Variants in OLA1 observed in about 807,000 individuals in gnomAD.
The protein encoded by OLA1 is obg-like ATPase 1.
In OLA1, 14 loss-of-function variants were observed where a neutral mutation model predicts 48.4. That is an observed-to-expected ratio of 0.29 (90% CI 0.19 to 0.45). OLA1 has a LOEUF of 0.45. Ranked by LOEUF, OLA1 falls within the 20% of genes least tolerant of loss-of-function variation. The probability of loss-of-function intolerance (pLI) is 1.00; values close to 1 mark genes in which losing one functional copy is unlikely to be tolerated. For missense variants in OLA1, 325 were observed against 467.1 expected, an observed-to-expected ratio of 0.70 and a Z score of 2.80; for synonymous variants, 127 against 150.4, an observed-to-expected ratio of 0.84 and a Z score of 1.14.
At chr2:174,085,901 A>G (rs1048932137) in intron 7 of OLA1, among the ~76,000 whole-genome samples, 2 of 152,140 alleles carry the variant, frequency 1.3e-5, no homozygotes, top group African/African-American at 4.8e-5. Flanking sequence ...ATAGTTTCTT[A>G]ACTCCCCTCT....
chr2:174,161,825 GAAGT>G (rs534327930), intron 4 of OLA1, among the ~76,000 whole-genome samples: 64 of 152,120 alleles, frequency 4.2e-4, no homozygotes, highest in African/African-American at 1.4e-3. Flanking sequence ...AGCTTACACT[GAAGT>G]AAGAAAAAAT....
At chr2:174,188,176 A>G (rs6758405) in intron 4 of OLA1, among the ~76,000 whole-genome samples, 80,890 of 151,836 alleles carry the variant, frequency 0.53, 22,118 homozygotes, top group East Asian at 0.95. Context: ...GACTAGAACA[A>G]CATGCGTTCA....
intron 7 of OLA1, among the ~76,000 whole-genome samples, chr2:174,095,685 G>A (rs1685238957): frequency 1.3e-5 from 2 of 152,006 alleles, no homozygotes; most frequent in Non-Finnish European, 2.9e-5. Flanking sequence ...AAATGTAAGA[G>A]TTAAAAAGTA....
chr2:174,188,445 A>G (rs532721008), intron 4 of OLA1, among the ~76,000 whole-genome samples: 6 of 152,244 alleles, frequency 3.9e-5, no homozygotes, highest in African/African-American at 1.4e-4. Context: ...TCATAGATGG[A>G]GACTGAAAGC....
At chr2:174,247,911 C>T in intron 1 of OLA1, 1 of 1,051,680 alleles carries the variant, frequency 9.5e-7, no homozygotes, top group African/African-American at 1.6e-5. Context: ...ACAAAGACCG[C>T]TAAGCTCACG....
intron 4 of OLA1, among the ~76,000 whole-genome samples, chr2:174,186,212 A>G (rs1156574217): frequency 6.6e-6 from 1 of 152,222 alleles, no homozygotes; most frequent in Non-Finnish European, 1.5e-5. Context: ...AATAATTCCA[A>G]CAAGATTTCT....
intron 7 of OLA1, among the ~76,000 whole-genome samples, chr2:174,118,820 T>C (rs2105364742): frequency 6.6e-6 from 1 of 152,284 alleles, no homozygotes; most frequent in Non-Finnish European, 1.5e-5. Flanking sequence ...AATCATTGGC[T>C]ATAAATAGTA....
intron 4 of OLA1, among the ~76,000 whole-genome samples, chr2:174,215,087 A>G (rs1465819058): frequency 6.6e-6 from 1 of 152,100 alleles, no homozygotes; most frequent in African/African-American, 2.4e-5. Flanking sequence ...AAACTTCGGA[A>G]GAAAATAAGA....
At chr2:174,152,059 G>A (rs1686760213) in intron 4 of OLA1, among the ~76,000 whole-genome samples, 1 of 152,300 alleles carries the variant, frequency 6.6e-6, no homozygotes, top group East Asian at 1.9e-4. Flanking sequence ...CCTAAAGCTT[G>A]TAATATGTAT....
chr2:174,188,684 TG>T (rs1220806002), intron 4 of OLA1, among the ~76,000 whole-genome samples: 1 of 152,206 alleles, frequency 6.6e-6, no homozygotes, highest in East Asian at 1.9e-4. Flanking sequence ...ATTGTCCCCA[TG>T]GGTGGCTGAG....
intron 7 of OLA1, among the ~76,000 whole-genome samples, chr2:174,111,480 G>T (rs936680972): frequency 6.6e-6 from 1 of 152,080 alleles, no homozygotes; most frequent in African/African-American, 2.4e-5. Flanking sequence ...GGTTGTTATG[G>T]GGATTAAACG....
At chr2:174,126,842 T>C (rs952939108) in intron 5 of OLA1, among the ~76,000 whole-genome samples, 3 of 152,234 alleles carry the variant, frequency 2.0e-5, no homozygotes, top group Admixed American at 1.3e-4. Context: ...CTTTAAAGCA[T>C]ATGTATACTT....
chr2:174,113,043 C>T (rs920118743), intron 7 of OLA1, among the ~76,000 whole-genome samples: 23 of 152,064 alleles, frequency 1.5e-4, no homozygotes, highest in African/African-American at 3.4e-4. Context: ...CAGGCTCAAG[C>T]GATTCTCCTG....
intron 5 of OLA1, among the ~76,000 whole-genome samples, chr2:174,128,117 G>C (rs541946515): frequency 1.3e-5 from 2 of 152,046 alleles, no homozygotes; most frequent in East Asian, 3.9e-4. Flanking sequence ...AAAAAGCCAG[G>C]CATGGTGGCT....
chr2:174,140,435 T>C (rs1390150293), intron 5 of OLA1, among the ~76,000 whole-genome samples: 2 of 151,908 alleles, frequency 1.3e-5, no homozygotes, highest in African/African-American at 4.8e-5. Flanking sequence ...TGGCATGATC[T>C]GGGCTCACTG....
intron 4 of OLA1, among the ~76,000 whole-genome samples, chr2:174,204,548 T>C (rs1688067230): frequency 1.3e-5 from 2 of 152,080 alleles, no homozygotes; most frequent in African/African-American, 4.8e-5. Context: ...AAGATAAAAA[T>C]ATAAATGGAT....
chr2:174,209,401 T>C (rs757555670), intron 4 of OLA1, among the ~76,000 whole-genome samples: 4 of 152,172 alleles, frequency 2.6e-5, no homozygotes, highest in Non-Finnish European at 4.4e-5. Context: ...ATGCTGTTTT[T>C]CATATCCCAA....
chr2:174,243,709 T>C (rs1222780619), intron 2 of OLA1, among the ~76,000 whole-genome samples: 3 of 152,142 alleles, frequency 2.0e-5, no homozygotes, highest in African/African-American at 4.8e-5. Flanking sequence ...TTAGATAATA[T>C]ATATAAAGTA....
intron 7 of OLA1, among the ~76,000 whole-genome samples, chr2:174,117,178 T>C (rs868163778): frequency 6.6e-6 from 1 of 152,222 alleles, no homozygotes; most frequent in African/African-American, 2.4e-5. Flanking sequence ...AAAACCAAGG[T>C]AATGTATCCA....
Sources: allele counts gnomAD v4.1 joint callset (sites outside exome capture counted in the v4.1 genomes callset), GRCh38; gene constraint gnomAD v4.1.1; transcripts MANE v1.5; gene names NCBI Gene and HGNC (gene_info 2026-07-23, HGNC 2026-07-21).